The following DTWD2 variants were observed in gnomAD, a reference collection of about 807,000 sequenced individuals.
DTWD2 encodes the protein tRNA-uridine aminocarboxypropyltransferase 2.
Under a neutral mutation model 31.8 loss-of-function variants are expected in DTWD2, and 39 were observed. The ratio of observed to expected loss-of-function variants is 1.22; its 90% CI spans 0.95 to 1.60. The LOEUF (loss-of-function observed/expected upper bound fraction) is 1.60. Ranked by LOEUF, DTWD2 falls within the 40% of genes most tolerant of loss-of-function variation. DTWD2 has a pLI of 0.00. For synonymous variants in DTWD2, 180 were observed against 142.8 expected (o/e 1.26, Z -1.86); for missense variants, 515 against 381.5 (o/e 1.35, Z -2.92).
At chr5:118,987,735 C>T (rs1043010887) in intron 1 of DTWD2, among the ~76,000 whole-genome samples, 69 of 152,186 alleles carry the variant, frequency 4.5e-4, no homozygotes, top group Middle Eastern at 3.4e-3. Flanking sequence ...TCTGGTGTTC[C>T]GAAGAAAGGT....
chr5:118,876,247 A>G (rs1053457911), intron 4 of DTWD2, among the ~76,000 whole-genome samples: 1 of 152,202 alleles, frequency 6.6e-6, no homozygotes, highest in East Asian at 1.9e-4. Flanking sequence ...CCCACATCAA[A>G]AAGTTACAAA....
intron 4 of DTWD2, among the ~76,000 whole-genome samples, chr5:118,872,866 G>C (rs1002625707): frequency 2.0e-5 from 3 of 152,196 alleles, no homozygotes; most frequent in Non-Finnish European, 2.9e-5. Flanking sequence ...GAAGCAAGTA[G>C]AATAGCTCCC....
chr5:118,971,488 T>C (rs1465950017), intron 1 of DTWD2, among the ~76,000 whole-genome samples: 1 of 151,536 alleles, frequency 6.6e-6, no homozygotes, highest in African/African-American at 2.4e-5. Context: ...ATAAAGCAAG[T>C]TCTTAGAGAT....
intron 1 of DTWD2, among the ~76,000 whole-genome samples, chr5:118,975,839 T>C (rs1580451849): frequency 1.3e-5 from 2 of 152,236 alleles, no homozygotes; most frequent in East Asian, 3.9e-4. Flanking sequence ...CTGGACCAAG[T>C]AGACCTAATA....
intron 1 of DTWD2, among the ~76,000 whole-genome samples, chr5:118,973,267 G>A (rs531804324): frequency 4.6e-5 from 7 of 152,180 alleles, no homozygotes; most frequent in South Asian, 2.1e-4. Flanking sequence ...GAAGGTTAAC[G>A]TTGTTACGTA....
chr5:118,918,619 C>T (rs1335736867), intron 4 of DTWD2, among the ~76,000 whole-genome samples: 1 of 152,116 alleles, frequency 6.6e-6, no homozygotes, highest in African/African-American at 2.4e-5. Flanking sequence ...CTTACTTTTA[C>T]CATCATCCAA....
rs145077965 is a variant in DTWD2, at chr5:118,988,476, C to T, written c.36G>A (p.Glu12=). Residue 12 remains glutamate, a synonymous_variant, in exon 1 of 6, where the codon GAG becomes GAA. Transcript: ENST00000510708. ...AGGCCCCAGAAGGCCGCGCAACGGG[C>T]TCCTGGAGTGTTCGTGCCTCTTTCT... ...ESQKEARTLQ[E]PVARPSGASS... 12 of 1,601,708 alleles carry T rather than the reference C, an allele frequency of 7.5e-6. No homozygotes were observed. The highest frequency in any genetic ancestry group is 1.7e-5 in the Admixed American group (1 of 59,110).
At chr5:118,927,850 G>C (rs1019447596) in intron 4 of DTWD2, among the ~76,000 whole-genome samples, 3 of 152,014 alleles carry the variant, frequency 2.0e-5, no homozygotes, top group African/African-American at 7.2e-5. Context: ...CCAGGTCATA[G>C]AAAAATATTA....
chr5:118,863,060 G>C (rs1414897104), intron 4 of DTWD2, among the ~76,000 whole-genome samples: 1 of 152,054 alleles, frequency 6.6e-6, no homozygotes. Context: ...CTTTTTATGA[G>C]AAAGCCCATA....
intron 1 of DTWD2, among the ~76,000 whole-genome samples, chr5:118,967,437 C>T (rs1754877511): frequency 6.6e-6 from 1 of 152,122 alleles, no homozygotes; most frequent in Non-Finnish European, 1.5e-5. Flanking sequence ...TAAACCAGGG[C>T]TTCCTGAAAA....
chr5:118,946,077 TCTGCAAGAAA>T (rs1404584381), intron 1 of DTWD2, among the ~76,000 whole-genome samples: 1 of 152,216 alleles, frequency 6.6e-6, no homozygotes, highest in Non-Finnish European at 1.5e-5. Flanking sequence ...ACCCTCTCAT[TCTGCAAGAAA>T]CTGCCAAATC....
intron 4 of DTWD2, among the ~76,000 whole-genome samples, chr5:118,896,818 T>G (rs546062890): frequency 1.3e-5 from 2 of 152,308 alleles, no homozygotes; most frequent in South Asian, 2.1e-4. Flanking sequence ...AGGCCACATG[T>G]AGGCATTCCA....
intron 5 of DTWD2, among the ~76,000 whole-genome samples, chr5:118,843,560 C>T (rs75279609): frequency 0.023 from 3,559 of 152,198 alleles, 58 homozygotes; most frequent in Non-Finnish European, 0.026. Context: ...GGACTGTATT[C>T]TGAAACACTG....
chr5:118,961,852 A>G (rs1754713131), intron 1 of DTWD2, among the ~76,000 whole-genome samples: 2 of 152,216 alleles, frequency 1.3e-5, no homozygotes, highest in African/African-American at 2.4e-5. Flanking sequence ...TCTTTGCTAC[A>G]AAGTAAAGAA....
At chr5:118,905,815 T>A (rs1006261396) in intron 4 of DTWD2, among the ~76,000 whole-genome samples, 1 of 152,150 alleles carries the variant, frequency 6.6e-6, no homozygotes, top group African/African-American at 2.4e-5. Flanking sequence ...AGCTAACTAA[T>A]CTGGTAGATT....
intron 1 of DTWD2, among the ~76,000 whole-genome samples, chr5:118,970,417 C>T (rs1754958418): frequency 6.6e-6 from 1 of 152,054 alleles, no homozygotes; most frequent in Admixed American, 6.5e-5. Context: ...TAAAGCGAGA[C>T]TCTGTCTCAG....
chr5:118,925,794 G>A (rs768273364), intron 4 of DTWD2, among the ~76,000 whole-genome samples: 17 of 151,730 alleles, frequency 1.1e-4, no homozygotes, highest in Non-Finnish European at 1.8e-4. Context: ...GCAGTGAGCC[G>A]AGATTGTGCC....
chr5:118,891,346 T>C (rs1752974131), intron 4 of DTWD2, among the ~76,000 whole-genome samples: 1 of 152,140 alleles, frequency 6.6e-6, no homozygotes, highest in African/African-American at 2.4e-5. Flanking sequence ...AGGCACATAA[T>C]CATATCAGCT....
intron 1 of DTWD2, among the ~76,000 whole-genome samples, chr5:118,981,783 T>C (rs958994369): frequency 6.6e-6 from 1 of 152,178 alleles, no homozygotes; most frequent in African/African-American, 2.4e-5. Flanking sequence ...GGCTTGACTT[T>C]AAGAAATACA....
Sources: allele counts gnomAD v4.1 joint callset (sites outside exome capture counted in the v4.1 genomes callset), GRCh38; gene constraint gnomAD v4.1.1; transcripts MANE v1.5; gene names NCBI Gene and HGNC (gene_info 2026-07-23, HGNC 2026-07-21).